OSTF1: variants seen among roughly 807,000 people sequenced by gnomAD.
The protein encoded by OSTF1 is osteoclast-stimulating factor 1.
A neutral mutation model predicts 37.2 loss-of-function variants in OSTF1; 27 were observed. The ratio of observed to expected loss-of-function variants is 0.73; its 90% CI spans 0.54 to 1.00. The LOEUF (loss-of-function observed/expected upper bound fraction) is 1.00, where lower values mean the gene tolerates loss of function less well. OSTF1 is among the 50% of genes least tolerant of loss of function. The pLI is 0.00. For synonymous variants in OSTF1, 82 were observed against 89.2 expected (o/e 0.92, Z 0.46); for missense variants, 232 against 253.8 (o/e 0.91, Z 0.58).
At chr9:75,102,280 G>A (rs11144229) in intron 1 of OSTF1, among the ~76,000 whole-genome samples, 9,328 of 152,200 alleles carry the variant, frequency 0.061, 395 homozygotes, top group African/African-American at 0.11. Context: ...CAGCCAGTGA[G>A]GGCATTTTTA....
At chr9:75,106,987 GAA>G (rs112031324) in intron 1 of OSTF1, among the ~76,000 whole-genome samples, 3 of 112,252 alleles carry the variant, frequency 2.7e-5, no homozygotes, top group Admixed American at 8.8e-5. Flanking sequence ...GAAAAAAAAA[GAA>G]AAAAAAAAAA....
chr9:75,091,081 C>CTTTTTTTT, intron 1 of OSTF1, among the ~76,000 whole-genome samples: 1 of 93,688 alleles, frequency 1.1e-5, no homozygotes, highest in Non-Finnish European at 2.0e-5. Flanking sequence ...GAAGTCTGCA[C>CTTTTTTTT]TTTTTTTTTT....
intron 1 of OSTF1, among the ~76,000 whole-genome samples, chr9:75,111,493 G>A (rs982023446): frequency 6.6e-6 from 1 of 152,144 alleles, no homozygotes; most frequent in African/African-American, 2.4e-5. Flanking sequence ...TTGCTTACGT[G>A]AAGAGACCAG....
chr9:75,114,674 C>A (rs1042406135), intron 1 of OSTF1, among the ~76,000 whole-genome samples: 1 of 151,908 alleles, frequency 6.6e-6, no homozygotes, highest in Non-Finnish European at 1.5e-5. Context: ...TGACACCCAC[C>A]TCTTGAGTAG....
intron 1 of OSTF1, among the ~76,000 whole-genome samples, chr9:75,111,838 T>TTTC (rs1256963935): frequency 7.1e-6 from 1 of 140,976 alleles, no homozygotes; most frequent in Non-Finnish European, 1.5e-5. Flanking sequence ...TTTTTTTTTT[T>TTTC]TTTGAGGCGG....
At chr9:75,139,866 C>T (rs1825912454) in intron 8 of OSTF1, among the ~76,000 whole-genome samples, 1 of 152,186 alleles carries the variant, frequency 6.6e-6, no homozygotes, top group African/African-American at 2.4e-5. Flanking sequence ...TGGACTTAGC[C>T]TGACTTTCCA....
intron 8 of OSTF1, 67 bp downstream of exon 8, chr9:75,137,683 C>A: frequency 1.0e-6 from 1 of 957,896 alleles, no homozygotes; most frequent in Non-Finnish European, 1.7e-6. Context: ...CAACTTACGC[C>A]ATTTGAAATG....
intron 1 of OSTF1, among the ~76,000 whole-genome samples, chr9:75,091,058 G>A (rs980782379): frequency 1.3e-5 from 2 of 150,178 alleles, no homozygotes; most frequent in African/African-American, 4.9e-5. Flanking sequence ...TAAAACCCAG[G>A]TAGTCTGGCT....
intron 1 of OSTF1, among the ~76,000 whole-genome samples, chr9:75,100,313 T>C (rs1372583139): frequency 6.6e-6 from 1 of 152,210 alleles, no homozygotes. Context: ...AAGGCATTCC[T>C]AGAAGTTTAA....
chr9:75,128,359 A>C, intron 3 of OSTF1, among the ~76,000 whole-genome samples: 1 of 54,642 alleles, frequency 1.8e-5, no homozygotes, highest in Non-Finnish European at 3.6e-5. Flanking sequence ...ATATGTATGA[A>C]AGACATATAT....
At chr9:75,131,902 A>G in intron 5 of OSTF1, 79 bp downstream of exon 5, 1 of 968,620 alleles carries the variant, frequency 1.0e-6, no homozygotes, top group South Asian at 1.3e-5. Flanking sequence ...AAGTGCATAC[A>G]CCCACGTAAC....
chr9:75,103,034 C>T (rs911000884), intron 1 of OSTF1, among the ~76,000 whole-genome samples: 2 of 152,194 alleles, frequency 1.3e-5, no homozygotes, highest in Non-Finnish European at 2.9e-5. Context: ...CGCTTATAAT[C>T]CCAGCACTTT....
intron 3 of OSTF1, among the ~76,000 whole-genome samples, chr9:75,128,271 T>C (rs9776186): frequency 0.037 from 5,465 of 146,486 alleles, 141 homozygotes; most frequent in African/African-American, 0.067. Context: ...ACCCTGGTAA[T>C]TGGCCTAACC....
chr9:75,141,319 A>C (rs1167050119), intron 9 of OSTF1, among the ~76,000 whole-genome samples: 5 of 149,608 alleles, frequency 3.3e-5, no homozygotes, highest in Admixed American at 6.6e-5. Flanking sequence ...AACCAAAAAA[A>C]AAAAAAAAAA....
intron 2 of OSTF1, 64 bp from the exon 3 acceptor site, chr9:75,127,505 T>G: frequency 1.2e-6 from 1 of 865,262 alleles, no homozygotes; most frequent in South Asian, 1.6e-5. Flanking sequence ...GAATTTTGAA[T>G]CTATATAATC....
chr9:75,116,969 G>C (rs1479537397), intron 1 of OSTF1, among the ~76,000 whole-genome samples: 1 of 151,950 alleles, frequency 6.6e-6, no homozygotes, highest in East Asian at 1.9e-4. Context: ...TTCTTGGATA[G>C]AGATATTTCA....
At chr9:75,117,742 A>T (rs765384056) in intron 2 of OSTF1, among the ~76,000 whole-genome samples, 192 bp downstream of exon 2, 21 of 152,146 alleles carry the variant, frequency 1.4e-4, no homozygotes, top group Non-Finnish European at 7.4e-5. Flanking sequence ...TCTTGAGGTC[A>T]TGTCTGTCTT....
At chr9:75,140,707 G>A (rs934947688) in intron 8 of OSTF1, 127 bp from the exon 9 acceptor site, 4 of 608,746 alleles carry the variant, frequency 6.6e-6, no homozygotes, top group East Asian at 5.7e-5. Flanking sequence ...TTTTGAGAAC[G>A]TTTACTTCTG....
chr9:75,142,909 G>A (rs1403256038), intron 9 of OSTF1, among the ~76,000 whole-genome samples: 2 of 151,096 alleles, frequency 1.3e-5, no homozygotes, highest in East Asian at 3.9e-4. Context: ...TGAACTCTAA[G>A]TTGGAAAAGG....
Sources: gnomAD v4.1 joint callset for allele counts (sites outside exome capture counted in the v4.1 genomes callset) on GRCh38, gnomAD v4.1.1 for gene constraint, MANE v1.5 for transcripts, NCBI Gene and HGNC (gene_info 2026-07-23, HGNC 2026-07-21) for gene names.